ATP7A: variants seen among roughly 807,000 people sequenced by gnomAD.
ATP7A encodes copper-transporting ATPase 1.
A neutral mutation model predicts 83.5 loss-of-function variants in ATP7A; 7 were observed. That is an observed-to-expected ratio of 0.08 (90% CI 0.05 to 0.16). ATP7A has a LOEUF of 0.16. Ranked by LOEUF, ATP7A falls within the 10% of genes least tolerant of loss-of-function variation. The probability of loss-of-function intolerance (pLI) is 1.00; values close to 1 mark genes in which losing one functional copy is unlikely to be tolerated. For missense variants in ATP7A, 940 were observed against 1,120.8 expected, an observed-to-expected ratio of 0.84 and a Z score of 2.30; for synonymous variants, 354 against 395.2, an observed-to-expected ratio of 0.90 and a Z score of 1.24.
intron 1 of ATP7A, among the ~76,000 whole-genome samples, chrX:77,948,465 T>C (rs2077396244): frequency 8.9e-6 from 1 of 111,939 alleles, no homozygotes; most frequent in African/African-American, 3.2e-5. Context: ...TCTCAGAAAA[T>C]AGTCATTTTG....
chrX:77,985,788 C>T (rs1159224944), intron 2 of ATP7A, among the ~76,000 whole-genome samples: 1 of 110,755 alleles, frequency 9.0e-6, no homozygotes, highest in Non-Finnish European at 1.9e-5. Flanking sequence ...CATAGCGCAG[C>T]CCTGTTACCC....
At chrX:77,922,384 T>C (rs2077220898) in intron 1 of ATP7A, among the ~76,000 whole-genome samples, 1 of 110,135 alleles carries the variant, frequency 9.1e-6, no homozygotes, top group African/African-American at 3.3e-5. Flanking sequence ...ATGCCTTGAG[T>C]CCCAGCTACT....
intron 17 of ATP7A, among the ~76,000 whole-genome samples, chrX:78,038,554 G>C (rs1054834024): frequency 8.9e-6 from 1 of 111,785 alleles, no homozygotes; most frequent in African/African-American, 3.2e-5. Context: ...GCCTCACCAA[G>C]AAAGTAATAT....
chrX:77,951,762 A>G (rs954291131), intron 1 of ATP7A, among the ~76,000 whole-genome samples: 1 of 111,120 alleles, frequency 9.0e-6, no homozygotes, highest in Non-Finnish European at 1.9e-5. Flanking sequence ...GTATTTTTTT[A>G]GTAGAGACGG....
intron 1 of ATP7A, among the ~76,000 whole-genome samples, chrX:77,970,520 A>C (rs2077540114): frequency 9.0e-6 from 1 of 110,655 alleles, no homozygotes; most frequent in South Asian, 3.9e-4. Flanking sequence ...AAAATACAAA[A>C]AATTAGCCGG....
chrX:77,928,336 TTAAG>T (rs1468510915), intron 1 of ATP7A, among the ~76,000 whole-genome samples: 4 of 111,478 alleles, frequency 3.6e-5, no homozygotes, highest in Admixed American at 2.9e-4. Flanking sequence ...CTAAAACACA[TTAAG>T]TATTTTTAGT....
intron 4 of ATP7A, among the ~76,000 whole-genome samples, chrX:77,991,678 A>G (rs1557232091): frequency 9.0e-6 from 1 of 111,108 alleles, no homozygotes; most frequent in East Asian, 2.8e-4. Context: ...TTACATTACC[A>G]TCTCAAATTC....
chrX:77,967,941 T>C (rs1038014733), intron 1 of ATP7A, among the ~76,000 whole-genome samples: 1 of 111,615 alleles, frequency 9.0e-6, no homozygotes, highest in Middle Eastern at 4.6e-3. Context: ...AAAATGATGT[T>C]GTAATACTTT....
chrX:77,965,380 G>A (rs1392026759), intron 1 of ATP7A: 8 of 318,321 alleles, frequency 2.5e-5, no homozygotes, highest in Admixed American at 3.3e-5. Context: ...ACATTTCTTC[G>A]AAGATATACA....
chrX:77,965,563 A>G (rs1197698537), intron 1 of ATP7A: 12 of 162,031 alleles, frequency 7.4e-5, no homozygotes, highest in Non-Finnish European at 1.2e-4. Flanking sequence ...ATGGGAGTAT[A>G]AATGGTACAG....
At chrX:77,922,851 C>T (rs782163383) in intron 1 of ATP7A, 1 of 112,028 alleles carries the variant, frequency 8.9e-6, no homozygotes, top group African/African-American at 3.2e-5. Context: ...TTTTAATCCC[C>T]AACTGGGACT....
At chrX:77,976,599 A>G (rs1436453360) in intron 2 of ATP7A, among the ~76,000 whole-genome samples, 1 of 111,542 alleles carries the variant, frequency 9.0e-6, no homozygotes, top group Non-Finnish European at 1.9e-5. Context: ...TTCTCTTCCT[A>G]ATCTGAAACT....
intron 5 of ATP7A, among the ~76,000 whole-genome samples, chrX:78,001,109 C>T (rs1387504370): frequency 1.8e-5 from 2 of 111,178 alleles, no homozygotes; most frequent in Non-Finnish European, 3.8e-5. Flanking sequence ...TTCTGTTTGC[C>T]CATAGATTAC....
chrX:77,983,441 C>G (rs2077615627), intron 2 of ATP7A, among the ~76,000 whole-genome samples: 1 of 111,867 alleles, frequency 8.9e-6, no homozygotes, highest in Non-Finnish European at 1.9e-5. Context: ...ATAAAGTATA[C>G]TGTGCCTGAA....
chrX:78,036,781 T>A (rs1055870920), intron 17 of ATP7A, among the ~76,000 whole-genome samples: 2 of 110,985 alleles, frequency 1.8e-5, no homozygotes, highest in Admixed American at 9.6e-5. Context: ...CTCGGGAGGC[T>A]GAGGCAGGAG....
At chrX:78,039,787 A>G (rs782421352) in intron 18 of ATP7A, among the ~76,000 whole-genome samples, 22 of 112,571 alleles carry the variant, frequency 2.0e-4, no homozygotes, top group South Asian at 1.5e-3. Flanking sequence ...AATCACTTGT[A>G]CACATACTAT....
intron 2 of ATP7A, among the ~76,000 whole-genome samples, chrX:77,978,373 C>T (rs2077587491): frequency 1.8e-5 from 2 of 111,322 alleles, no homozygotes; most frequent in Admixed American, 1.9e-4. Flanking sequence ...ATGGGGCCAA[C>T]TCACTAAGCA....
chrX:77,952,478 T>C (rs781857332), intron 1 of ATP7A, among the ~76,000 whole-genome samples: 1 of 112,153 alleles, frequency 8.9e-6, no homozygotes, highest in East Asian at 2.8e-4. Context: ...TCTTTTCATA[T>C]GCTTATATAT....
intron 1 of ATP7A, chrX:77,962,580 T>C (rs376063954): frequency 1.9e-4 from 63 of 333,156 alleles, no homozygotes; most frequent in Non-Finnish European, 3.3e-4. Context: ...TGTTATGAGT[T>C]TCTTCACAGC....
Sources: gnomAD v4.1 joint callset for allele counts (sites outside exome capture counted in the v4.1 genomes callset) on GRCh38, gnomAD v4.1.1 for gene constraint, MANE v1.5 for transcripts, NCBI Gene and HGNC (gene_info 2026-07-23, HGNC 2026-07-21) for gene names.